Variants in NECAB2 observed in about 807,000 individuals in gnomAD.
NECAB2 encodes the protein N-terminal EF-hand calcium binding protein 2, also known as N-terminal EF-hand calcium-binding protein 2.
A neutral mutation model predicts 51.9 loss-of-function variants in NECAB2; 68 were observed. The ratio of observed to expected loss-of-function variants is 1.31; its 90% CI spans 1.08 to 1.60. The LOEUF (loss-of-function observed/expected upper bound fraction) is 1.60, where lower values mean the gene tolerates loss of function less well. Among genes scored for constraint, NECAB2 ranks in the 40% most tolerant of loss-of-function variants. NECAB2 has a pLI of 0.00. For synonymous variants in NECAB2, 329 were observed against 203.5 expected (o/e 1.62, Z -5.25); for missense variants, 854 against 490.3 (o/e 1.74, Z -7.00).
intron 6 of NECAB2, 60 bp downstream of exon 6, chr16:83,990,690 A>G: frequency 1.9e-6 from 3 of 1,587,802 alleles, no homozygotes; most frequent in East Asian, 2.3e-5. Flanking sequence ...GCACGTGCCC[A>G]CCTGCTGCTT....
upstream of NECAB2, chr16:83,965,451 C>A (rs141102431): frequency 6.3e-7 from 1 of 1,597,700 alleles, no homozygotes; most frequent in Non-Finnish European, 8.5e-7. Flanking sequence ...ATCATTGGCG[C>A]GGGGCTGTCA....
At chr16:84,000,149 C>CTCAAGACTTCCCAAAGTTCTGCG (rs1211993178) in intron 10 of NECAB2, among the ~76,000 whole-genome samples, 1 of 152,172 alleles carries the variant, frequency 6.6e-6, no homozygotes, top group Non-Finnish European at 1.5e-5. Flanking sequence ...GCCTCGACCC[C>CTCAAGACTTCCCAAAGTTCTGCG]TCAAGACTTC....
chr16:83,982,643 A>G (rs1157287656), intron 5 of NECAB2, among the ~76,000 whole-genome samples: 1 of 152,140 alleles, frequency 6.6e-6, no homozygotes, highest in Non-Finnish European at 1.5e-5. Context: ...CATTCGTAAC[A>G]TCCATGGTTG....
upstream of NECAB2, chr16:83,966,193 A>T: frequency 1.7e-6 from 1 of 590,284 alleles, no homozygotes; most frequent in Non-Finnish European, 2.9e-6. Context: ...AGGTGGTAAC[A>T]GCGGCCGCAG....
chr16:83,997,138 A>T, intron 8 of NECAB2, 78 bp from the exon 9 acceptor site: 2 of 1,573,626 alleles, frequency 1.3e-6, no homozygotes, highest in Non-Finnish European at 1.7e-6. Context: ...CAACAGCCCC[A>T]GGGATCCCAG....
chr16:83,976,516 C>A (rs1408071097), intron 2 of NECAB2, among the ~76,000 whole-genome samples: 1 of 152,184 alleles, frequency 6.6e-6, no homozygotes, highest in Non-Finnish European at 1.5e-5. Context: ...GGAAGGCATC[C>A]TCTGTCACAG....
At chr16:84,002,277 C>T (rs767067315) in intron 12 of NECAB2, 41 bp from the exon 13 acceptor site, 13 of 1,611,588 alleles carry the variant, frequency 8.1e-6, no homozygotes, top group South Asian at 1.1e-5. Flanking sequence ...AGGCTGCCCA[C>T]ATTCGCACTC....
rs558467540 is a variant in NECAB2, at chr16:83,998,914, G to A, written c.962+597G>A. Among the ~76,000 whole-genome samples the A allele has an allele frequency of 9.5e-4, 145 of 152,332 alleles. 2 individuals are homozygous for A. In the South Asian group the frequency reaches 0.029, roughly 31 times the overall value. Reference sequence around the variant, plus strand: ...TTGGTAAAGCTAAGGCATGTGGCCAGGGCCAGAGTGGAGGGGGTTGCAGAA... The same window carrying A: ...TTGGTAAAGCTAAGGCATGTGGCCAAGGCCAGAGTGGAGGGGGTTGCAGAA... On this transcript the variant is annotated intron_variant, in intron 10 of 12. Transcript: ENST00000305202.
intron 5 of NECAB2, among the ~76,000 whole-genome samples, chr16:83,981,599 C>A (rs1379836668): frequency 1.3e-5 from 2 of 152,128 alleles, no homozygotes; most frequent in Non-Finnish European, 2.9e-5. Flanking sequence ...TCCACTATCT[C>A]ACAGCTATGG....
At chr16:83,998,145 G>GGGTGTTTAGGGAGAAGGCCTGACGT in intron 9 of NECAB2, 60 bp from the exon 10 acceptor site, 1 of 1,482,234 alleles carries the variant, frequency 6.7e-7, no homozygotes, top group Non-Finnish European at 9.3e-7. Flanking sequence ...GGGCCTGATG[G>GGGTGTTTAGGGAGAAGGCCTGACGT]GGTGTTTAGG....
At chr16:83,980,953 C>T (rs1400579070) in intron 4 of NECAB2, 77 bp from the exon 5 acceptor site, 25 of 1,605,458 alleles carry the variant, frequency 1.6e-5, no homozygotes, top group African/African-American at 2.7e-5. Context: ...CTGGAGGTAG[C>T]GCAGGTGGGA....
Position 84,002,531 on chromosome 16 carries a change from GT to G in NECAB2, c.*186del. The G allele has an allele frequency of 2.7e-6, 2 of 745,658 alleles. No individual in the cohort carries two copies. Among genetic ancestry groups the G allele is most frequent in the South Asian group, 1.7e-5 (1 of 58,888 alleles). The allele number at this position is 745,658 out of a possible 1,614,324, so 46.2% of individuals were successfully genotyped here. A position where few individuals can be genotyped will look rare whatever the true frequency, so the allele number is the denominator to read the frequency against. ...CCCCCACCTGAGAAGGCAGAGCAGT[GT>G]CTGTGCTGCCAGGTCCTGGTGAAGC... On this transcript the variant is annotated 3_prime_UTR_variant, in exon 13 of 13. Transcript: ENST00000305202.
intron 5 of NECAB2, among the ~76,000 whole-genome samples, chr16:83,983,494 G>A (rs1005614066): frequency 1.3e-5 from 2 of 152,136 alleles, no homozygotes; most frequent in African/African-American, 2.4e-5. Context: ...TCAGCATGTT[G>A]GAGAAATATT....
chr16:83,998,220 C>T lies in NECAB2; in HGVS notation c.865C>T (p.Arg289Trp), dbSNP rs368505537. The T allele has an allele frequency of 6.6e-5, 106 of 1,610,304 alleles. No homozygotes were observed. The highest frequency in any genetic ancestry group is 1.2e-4 in the African/African-American group (9 of 74,898). Residue 289 changes from arginine (R) to tryptophan (W), a missense_variant, in exon 10 of 13, where the codon CGG becomes TGG. Coordinates refer to ENST00000305202, the MANE Select transcript of NECAB2 (RefSeq NM_019065.3). The part of the protein sequence containing the change: ...DGTNMHLQLV[R>W]QEMAVCPEQL... ...TGCCCGGCAGCACCTGCAGCTGGTC[C>T]GGCAGGAGATGGCCGTGTGCCCCGA...
chr16:83,974,863 TGTGCAGGGAGGTGTGG>T (rs1160508150), intron 2 of NECAB2, among the ~76,000 whole-genome samples: 2 of 150,434 alleles, frequency 1.3e-5, no homozygotes, highest in African/African-American at 2.5e-5. Flanking sequence ...TGAGAGCAGG[TGTGCAGGGAGGTGTGG>T]GTGCAGGGAT....
chr16:83,982,202 C>G (rs2084497456), intron 5 of NECAB2, among the ~76,000 whole-genome samples: 1 of 152,082 alleles, frequency 6.6e-6, no homozygotes, highest in African/African-American at 2.4e-5. Flanking sequence ...TTTTCCCATG[C>G]TTCTCAGTTA....
chr16:83,980,718 G>A lies in NECAB2; in HGVS notation c.336-121G>A, dbSNP rs552946783. 6.7e-5 allele frequency: 90 copies of A among 1,348,350 alleles called. No individual in the cohort carries two copies. In the African/African-American group the frequency reaches 1.2e-3, roughly 17 times the overall value. The allele number at this position is 1,348,350 out of a possible 1,614,324, so 83.5% of individuals were successfully genotyped here. ...CACCCTCTTCTGTAAGGCGGAGCTT[G>A]TGGGGCCAGCACACAGGCTGCAAAG... On this transcript the variant is annotated intron_variant, in intron 3 of 12. Transcript: ENST00000305202.
rs1026633503 is a variant in NECAB2, at chr16:84,002,639, C to T, written c.*293C>T. On this transcript the variant is annotated 3_prime_UTR_variant, in exon 13 of 13. Coordinates refer to ENST00000305202, the MANE Select transcript of NECAB2 (RefSeq NM_019065.3). ...CTCTCCCCTACCCCTCACATGGCCACGCATGACCCACACTGACCACACCCT... is the reference window on the plus strand; with the variant it reads ...CTCTCCCCTACCCCTCACATGGCCATGCATGACCCACACTGACCACACCCT... 10 of 529,408 alleles carry T rather than the reference C, an allele frequency of 1.9e-5. No homozygotes were observed. Among genetic ancestry groups the T allele is most frequent in the African/African-American group, 7.7e-5 (4 of 52,010 alleles). 32.8% of individuals were successfully genotyped at this position (529,408 alleles called of 1,614,324 possible). A position where few individuals can be genotyped will look rare whatever the true frequency, so the allele number is the denominator to read the frequency against.
chr16:83,986,286 G>C (rs1182495058), intron 5 of NECAB2, among the ~76,000 whole-genome samples: 1 of 152,176 alleles, frequency 6.6e-6, no homozygotes, highest in African/African-American at 2.4e-5. Context: ...CAAAGTGCTG[G>C]GAGTACAGGC....
Sources: gnomAD v4.1 joint callset for allele counts (sites outside exome capture counted in the v4.1 genomes callset) on GRCh38, gnomAD v4.1.1 for gene constraint, MANE v1.5 for transcripts, NCBI Gene and HGNC (gene_info 2026-07-23, HGNC 2026-07-21) for gene names.